The following SLC16A12 variants were observed in gnomAD, a reference collection of about 807,000 sequenced individuals.
The protein encoded by SLC16A12 is solute carrier family 16 member 12.
A neutral mutation model predicts 42.4 loss-of-function variants in SLC16A12; 17 were observed. The ratio of observed to expected loss-of-function variants is 0.40; its 90% CI spans 0.27 to 0.60. The LOEUF (loss-of-function observed/expected upper bound fraction) is 0.60, where lower values mean the gene tolerates loss of function less well. SLC16A12 is among the 20% of genes least tolerant of loss of function. The pLI, the probability that SLC16A12 is intolerant of heterozygous loss-of-function variation, is 0.42. For missense variants in SLC16A12, 544 were observed against 623.0 expected (o/e 0.87, Z 1.35); for synonymous variants, 224 against 229.4 (o/e 0.98, Z 0.21).
intron 2 of SLC16A12, among the ~76,000 whole-genome samples, chr10:89,479,972 A>G (rs779443369): frequency 6.6e-5 from 10 of 152,230 alleles, no homozygotes; most frequent in Non-Finnish European, 1.0e-4. Flanking sequence ...GGTGTGAAAA[A>G]TGTTCTGAAA....
intron 2 of SLC16A12, among the ~76,000 whole-genome samples, chr10:89,486,799 G>A (rs1019687789): frequency 1.3e-5 from 2 of 152,070 alleles, no homozygotes; most frequent in Non-Finnish European, 2.9e-5. Context: ...GGATGTCCTG[G>A]ATACCTTGTT....
rs555655410 is a variant in SLC16A12, at chr10:89,528,773, T to C, written c.-47+5728A>G. On this transcript the variant is annotated intron_variant, in intron 2 of 7. Coordinates refer to ENST00000371790, the MANE Select transcript of SLC16A12 (RefSeq NM_213606.4). ...ATTCACCAGAGAGATTTAAAAACTA[T>C]CAATACCCTAGCCCTGTATCTCAGA... Among the ~76,000 whole-genome samples, 5 of 152,328 alleles carry C rather than the reference T, an allele frequency of 3.3e-5. No homozygotes were observed. The South Asian group carries it at 1.0e-3, about 32-fold the overall frequency.
At chr10:89,541,351 T>A (rs144094560) in intron 2 of SLC16A12, among the ~76,000 whole-genome samples, 1 of 152,106 alleles carries the variant, frequency 6.6e-6, no homozygotes, top group East Asian at 1.9e-4. Flanking sequence ...ATCCAACATT[T>A]TGGGAGGCTA....
intron 2 of SLC16A12, among the ~76,000 whole-genome samples, chr10:89,483,827 C>T (rs925389185): frequency 1.3e-5 from 2 of 151,854 alleles, no homozygotes; most frequent in African/African-American, 4.8e-5. Context: ...TGTATTATGC[C>T]TGTTCTTAGT....
chr10:89,431,004 T>A lies in SLC16A12; in HGVS notation c.*2060A>T, dbSNP rs1589653422. On this transcript the variant is annotated 3_prime_UTR_variant, in exon 8 of 8. Transcript: ENST00000371790. ...TTGACATTTTACAGATACCTTCCAA[T>A]TTTTTTTTTTTGAGATGGAGTCTTG... is the stretch of plus-strand genomic sequence containing the variant. 1.1e-4 allele frequency: 4 copies of A among 36,544 alleles called. No individual in the cohort carries two copies. The highest frequency in any genetic ancestry group is 2.2e-4 in the Admixed American group (1 of 4,492). The allele number at this position is 36,544 out of a possible 1,614,324, so 2.3% of individuals were successfully genotyped here.
intron 4 of SLC16A12, among the ~76,000 whole-genome samples, chr10:89,442,322 G>A (rs1055134350): frequency 6.6e-6 from 1 of 152,182 alleles, no homozygotes; most frequent in Non-Finnish European, 1.5e-5. Context: ...TATGGTAATT[G>A]TGTACAACAG....
upstream of SLC16A12, among the ~76,000 whole-genome samples, chr10:89,539,903 T>TTCTTTCTTTCTTTCTC (rs1843703469): frequency 6.7e-6 from 1 of 148,406 alleles, no homozygotes; most frequent in Non-Finnish European, 1.5e-5. Context: ...CTTTCTTTCT[T>TTCTTTCTTTCTTTCTC]TCTTTCTTTT....
rs192441993 is a variant in SLC16A12, at chr10:89,439,098, G to A, written c.534C>T (p.Ile178=). ...TGCCAATGCCACTTCCTGACATGGCGATACCATAAGCAAGGGCTTTCCGTC... is the reference window on the plus strand; with the variant it reads ...TGCCAATGCCACTTCCTGACATGGCAATACCATAAGCAAGGGCTTTCCGTC... ...FSRRKALAYG[I]AMSGSGIGTF... The change falls in exon 6 of 8, where the codon ATC becomes ATT. Residue 178 remains isoleucine (I), a synonymous_variant. Coordinates refer to ENST00000371790, the MANE Select transcript of SLC16A12 (RefSeq NM_213606.4). 3.8e-5 allele frequency: 62 copies of A among 1,613,658 alleles called. No individual in the cohort carries two copies. The East Asian group carries it at 6.5e-4, about 17-fold the overall frequency.
At chr10:89,483,540 T>C (rs1842698456) in intron 2 of SLC16A12, among the ~76,000 whole-genome samples, 1 of 152,114 alleles carries the variant, frequency 6.6e-6, no homozygotes, top group Non-Finnish European at 1.5e-5. Context: ...CCAACCATTA[T>C]AATAATAAAT....
chr10:89,461,496 T>C (rs973102439), intron 3 of SLC16A12, among the ~76,000 whole-genome samples: 2 of 152,204 alleles, frequency 1.3e-5, no homozygotes, highest in African/African-American at 4.8e-5. Context: ...GTGTGATACA[T>C]TCACACATCC....
intron 3 of SLC16A12, among the ~76,000 whole-genome samples, chr10:89,452,305 A>C (rs1239595831): frequency 1.2e-4 from 18 of 152,174 alleles, no homozygotes; most frequent in Non-Finnish European, 2.9e-5. Flanking sequence ...AAAATGAAAT[A>C]TGTATGTATG....
intron 3 of SLC16A12, among the ~76,000 whole-genome samples, chr10:89,450,160 TGG>T (rs1446618672): frequency 3.9e-5 from 6 of 152,186 alleles, no homozygotes; most frequent in African/African-American, 1.4e-4. Flanking sequence ...ACACTGTTGG[TGG>T]GAGTGTGAAC....
At chr10:89,528,695 A>G (rs957754079) in intron 2 of SLC16A12, among the ~76,000 whole-genome samples, 15 of 152,248 alleles carry the variant, frequency 9.9e-5, no homozygotes, top group Admixed American at 9.8e-4. Flanking sequence ...CTAAAGAGGC[A>G]CAAAATTATT....
At chr10:89,486,634 AG>A (rs1462344708) in intron 2 of SLC16A12, among the ~76,000 whole-genome samples, 3 of 130,788 alleles carry the variant, frequency 2.3e-5, no homozygotes, top group Admixed American at 7.3e-5. Context: ...AAAGAAAGAA[AG>A]AAAGAAAGAA....
chr10:89,439,196 A>G lies in SLC16A12; in HGVS notation c.449-13T>C. On this transcript the variant is annotated splice_polypyrimidine_tract_variant and intron_variant, in intron 5 of 7. Coordinates refer to ENST00000371790, the MANE Select transcript of SLC16A12 (RefSeq NM_213606.4). ...GCAAATCCAAGACCTGAGGATAAAG[A>G]GAACTCTATGAGTGCTGAAGTACCA... 6.2e-7 allele frequency: 1 copy of G among 1,612,748 alleles called. No individual in the cohort carries two copies. The highest frequency in any genetic ancestry group is 8.5e-7 in the Non-Finnish European group (1 of 1,178,926).
rs1188760779 is a variant in SLC16A12, at chr10:89,471,941, TC to T, written c.-46-9318del. ...TATATCTTTTTTGTGAGGTGTCTAT[TC>T]AAGTATTATGCCTATATTTTACTAG... On this transcript the variant is annotated intron_variant, in intron 2 of 7. Coordinates refer to ENST00000371790, the MANE Select transcript of SLC16A12 (RefSeq NM_213606.4). Among the ~76,000 whole-genome samples, 12 of 152,318 alleles carry T rather than the reference TC, an allele frequency of 7.9e-5. No individual in the cohort carries two copies. In the East Asian group the frequency reaches 2.1e-3, roughly 27 times the overall value.
At chr10:89,474,234 TTCTCTCTG>T (rs1234134039) in intron 2 of SLC16A12, among the ~76,000 whole-genome samples, 2 of 152,110 alleles carry the variant, frequency 1.3e-5, no homozygotes, top group African/African-American at 4.8e-5. Flanking sequence ...CTATTTACCT[TTCTCTCTG>T]TCTCCCACTA....
intron 2 of SLC16A12, among the ~76,000 whole-genome samples, chr10:89,499,020 AT>A (rs772477991): frequency 8.5e-5 from 13 of 152,178 alleles, no homozygotes; most frequent in Non-Finnish European, 1.3e-4. Context: ...GCCTACCCAA[AT>A]GAGAAGGAAC....
chr10:89,441,322 T>C (rs1841907370), intron 4 of SLC16A12, 71 bp from the exon 5 acceptor site: 1 of 1,592,716 alleles, frequency 6.3e-7, no homozygotes, highest in African/African-American at 1.3e-5. Flanking sequence ...TGATGTGGCA[T>C]TGACAGAGGA....
Sources: gnomAD v4.1 joint callset for allele counts (sites outside exome capture counted in the v4.1 genomes callset) on GRCh38, gnomAD v4.1.1 for gene constraint, MANE v1.5 for transcripts, NCBI Gene and HGNC (gene_info 2026-07-23, HGNC 2026-07-21) for gene names.